AATK: variants seen among roughly 807,000 people sequenced by gnomAD.
AATK encodes lemur tail kinase 1.
In AATK, 91 loss-of-function variants were observed where a neutral mutation model predicts 114.3. The ratio of observed to expected loss-of-function variants is 0.80; its 90% confidence interval spans 0.67 to 0.95. The LOEUF (loss-of-function observed/expected upper bound fraction) is 0.95. AATK is among the 40% of genes least tolerant of loss of function. The pLI is 0.00. For missense variants in AATK, 2,176 were observed against 1,965.2 expected, an observed-to-expected ratio of 1.11 and a Z score of -2.03; for synonymous variants, 1,075 against 916.5, an observed-to-expected ratio of 1.17 and a Z score of -3.12.
rs1208794359 is a variant in AATK, at chr17:81,140,669, TG to T, written c.56-6169del. On this transcript the variant is annotated intron_variant, in intron 1 of 13. Coordinates refer to ENST00000326724, the MANE Select transcript of AATK (RefSeq NM_001080395.3). ...GTGGGGCCGGGGGACCGTGGGGCCG[TG>T]GGGACCATGGGGCCGTGGGGCCGTT... Among the ~76,000 whole-genome samples the T allele has an allele frequency of 2.6e-4, 32 of 121,058 alleles. 1 individual carries two copies. Among genetic ancestry groups the T allele is most frequent in the South Asian group, 5.4e-4 (2 of 3,674 alleles). 79.4% of individuals were successfully genotyped at this position (121,058 alleles called of 152,430 possible).
chr17:81,118,535 A>G lies in AATK; in HGVS notation c.4085-93T>C, dbSNP rs1568214660. The G allele has an allele frequency of 4.4e-6, 6 of 1,369,786 alleles. No individual in the cohort carries two copies. In the South Asian group the frequency reaches 5.0e-5, roughly 11 times the overall value. 84.9% of individuals were successfully genotyped at this position (1,369,786 alleles called of 1,614,324 possible). A position where few individuals can be genotyped will look rare whatever the true frequency, so the allele number is the denominator to read the frequency against. On this transcript the variant is annotated intron_variant, in intron 13 of 13. Coordinates refer to ENST00000326724, the MANE Select transcript of AATK (RefSeq NM_001080395.3). Reference sequence around the variant, plus strand: ...CACCTGGCCTCCATCCCTGGCCCACATACAGGCCGGGCCCCTTCCCTGCAG... The same window carrying G: ...CACCTGGCCTCCATCCCTGGCCCACGTACAGGCCGGGCCCCTTCCCTGCAG...
At chr17:81,125,322 C>A (rs189377227) in intron 7 of AATK, 22 of 719,938 alleles carry the variant, frequency 3.1e-5, no homozygotes, top group Non-Finnish European at 5.5e-5. Flanking sequence ...CCGGAACCCA[C>A]CCGGACCGGT....
Position 81,122,166 on chromosome 17 carries a change from G to A in AATK, c.1770C>T (p.Arg590=), listed in dbSNP as rs757309218. 9.9e-6 allele frequency: 15 copies of A among 1,514,804 alleles called. No individual in the cohort carries two copies. In the African/African-American group the frequency reaches 1.7e-4, roughly 17 times the overall value. The allele number at this position is 1,514,804 out of a possible 1,614,324, so 93.8% of individuals were successfully genotyped here. Reference sequence around the variant, plus strand: ...AGCTTCTGCGAGGGTAGTGGTCGCCGCGGCCCCAGGGGACGTCGACGGGTG... The same window carrying A: ...AGCTTCTGCGAGGGTAGTGGTCGCCACGGCCCCAGGGGACGTCGACGGGTG... The part of the protein sequence containing the change: ...HGPPVDVPWG[R]GDHYPRRSLA... Residue 590 remains arginine (R), a synonymous_variant, in exon 11 of 14, where the codon CGC becomes CGT. Coordinates refer to ENST00000326724, the MANE Select transcript of AATK (RefSeq NM_001080395.3).
chr17:81,119,807 G>A, intron 12 of AATK, 129 bp downstream of exon 12: 1 of 1,330,432 alleles, frequency 7.5e-7, no homozygotes, highest in Non-Finnish European at 9.8e-7. Context: ...ACGGGCCAAA[G>A]CCCGCCTCCC....
chr17:81,127,314 ACAAGCAGGTGAC>A (rs1218388148), intron 6 of AATK, among the ~76,000 whole-genome samples: 1 of 151,950 alleles, frequency 6.6e-6, no homozygotes, highest in Admixed American at 6.6e-5. Flanking sequence ...CACAGGGCAC[ACAAGCAGGTGAC>A]CAAGCAGCTG....
chr17:81,119,229 T>G, intron 13 of AATK, 151 bp downstream of exon 13: 1 of 815,678 alleles, frequency 1.2e-6, no homozygotes, highest in South Asian at 2.1e-5. Flanking sequence ...AGGCTAGGTC[T>G]GGGGCCGGGA....
At position 81,131,179 on chromosome 17, in the gene AATK, C is replaced by A. The variant is rs1244940855; in HGVS notation, c.216G>T (p.Glu72Asp). Reference protein sequence around the residue: ...FKEFENAEGDEYAADLAQGSP... With the variant: ...FKEFENAEGDDYAADLAQGSP... ...AGCCCTGCGCCAGGTCGGCTGCGTA[C>A]TCGTCCCCCTCCGCATTCTCAAACT... Residue 72 changes from glutamate (E) to aspartate (D), a missense_variant, in exon 3 of 14, where the codon GAG becomes GAT. Glu to Asp is a conservative substitution (Grantham distance 45). Around this residue, in one of 4 missense-constraint regions of AATK, gnomAD observed 178 missense variants for 175.4 expected, o/e 1.01. Transcript: ENST00000326724. 20 of 1,580,994 alleles carry A rather than the reference C, an allele frequency of 1.3e-5. No homozygotes were observed. Among genetic ancestry groups the A allele is most frequent in the Non-Finnish European group, 1.6e-5 (19 of 1,165,758 alleles).
In AATK at chr17:81,166,040, G is replaced by A; in HGVS notation, c.-48C>T. 7.1e-7 allele frequency: 1 copy of A among 1,411,702 alleles called. No individual in the cohort carries two copies. The highest frequency in any genetic ancestry group is 9.3e-7 in the Non-Finnish European group (1 of 1,075,038). 87.4% of individuals were successfully genotyped at this position (1,411,702 alleles called of 1,614,324 possible). On this transcript the variant is annotated 5_prime_UTR_variant, in exon 1 of 14. Coordinates refer to ENST00000326724, the MANE Select transcript of AATK (RefSeq NM_001080395.3). ...CATCCCGGGAGGGCGCTGCGCTCAG[G>A]ACGCCCGCGGCCCCGGCCCGAGCCG...
In AATK at chr17:81,121,292, TGGCCTGCA is replaced by T. The variant is rs760048158; in HGVS notation, c.2636_2643del (p.Leu879GlnfsTer33). ...AAGGCTGGCACCACATCCGGCCTCC[TGGCCTGCA>T]GGCCGTCGCTGGACGTGTCGGTGAA... is the stretch of plus-strand genomic sequence containing the variant. On this transcript the variant is annotated frameshift_variant, in exon 11 of 14. Coordinates refer to ENST00000326724, the MANE Select transcript of AATK (RefSeq NM_001080395.3). LOFTEE classifies it high-confidence loss of function. The T allele has an allele frequency of 6.2e-7, 1 of 1,611,582 alleles. No homozygotes were observed. The highest frequency in any genetic ancestry group is 8.5e-7 in the Non-Finnish European group (1 of 1,179,622).
rs2060691503 is a variant in AATK at position 81,120,939 on chromosome 17, TGAG to T, written c.2994_2996del (p.Phe998_Ser999delinsLeu). ...TGGCCTCGGCCTCAGCCTCGAGGTC[TGAG>T]AAGTAGGCAGAGTCTCGGTAGGGAT... On this transcript the variant is annotated inframe_deletion, in exon 11 of 14. Transcript: ENST00000326724. 6.2e-7 allele frequency: 1 copy of T among 1,606,768 alleles called. No individual in the cohort carries two copies. Among genetic ancestry groups the T allele is most frequent in the South Asian group, 1.1e-5 (1 of 89,808 alleles).
intron 3 of AATK, among the ~76,000 whole-genome samples, chr17:81,130,676 C>G (rs1394301170): frequency 2.6e-5 from 4 of 152,136 alleles, no homozygotes; most frequent in Non-Finnish European, 5.9e-5. Context: ...AGCCCCTGCC[C>G]CCAGCACATG....
chr17:81,123,045 G>C, intron 10 of AATK, 149 bp downstream of exon 10: 1 of 975,642 alleles, frequency 1.0e-6, no homozygotes, highest in South Asian at 2.2e-5. Context: ...ACACAGGGGT[G>C]CAGAGGTGGC....
chr17:81,118,060 C>A lies in AATK; in HGVS notation c.*342G>T. On this transcript the variant is annotated 3_prime_UTR_variant, in exon 14 of 14. Transcript: ENST00000326724. ...GGCATGCGGGTCCTCCGAGGCCAGG[C>A]AGGCAGGGCAGAGGGTGGGGGCCGC... The A allele has an allele frequency of 7.6e-6, 2 of 261,938 alleles. No homozygotes were observed. Among genetic ancestry groups the A allele is most frequent in the South Asian group, 1.8e-4 (2 of 11,050 alleles). The allele number at this position is 261,938 out of a possible 1,614,324, so 16.2% of individuals were successfully genotyped here.
chr17:81,119,251 C>CGGGAAGGAGCGGGGCT, intron 13 of AATK, 129 bp downstream of exon 13: 1 of 903,466 alleles, frequency 1.1e-6, no homozygotes, highest in Non-Finnish European at 1.5e-6. Flanking sequence ...GGAGCGGGGC[C>CGGGAAGGAGCGGGGCT]GGGAAGGAGC....
In AATK at chr17:81,122,424, C is replaced by T. The variant is rs1258903110; in HGVS notation, c.1512G>A (p.Glu504=). The T allele has an allele frequency of 6.9e-7, 1 of 1,458,068 alleles. No homozygotes were observed. The highest frequency in any genetic ancestry group is 9.0e-7 in the Non-Finnish European group (1 of 1,107,230). The allele number at this position is 1,458,068 out of a possible 1,614,324, so 90.3% of individuals were successfully genotyped here. ...GGGGCGCGCCGTCGGGGGCGCACAGCTCCTGCAGGCGTGCGGTGCGGCCAG... is the reference window on the plus strand; with the variant it reads ...GGGGCGCGCCGTCGGGGGCGCACAGTTCCTGCAGGCGTGCGGTGCGGCCAG... ...LSPGRTARLQ[E]LCAPDGAPPG... The change falls in exon 11 of 14, where the codon GAG becomes GAA. Residue 504 remains glutamate (E), a synonymous_variant. Transcript: ENST00000326724.
chr17:81,142,359 A>G (rs1189491665), intron 1 of AATK, among the ~76,000 whole-genome samples: 40 of 151,638 alleles, frequency 2.6e-4, no homozygotes, highest in Non-Finnish European at 5.2e-4. Flanking sequence ...GGCAGCCTCA[A>G]ACTCCTGGGC....
At chr17:81,119,716 C>A (rs2060668974) in intron 12 of AATK, 136 bp from the exon 13 acceptor site, 4 of 963,840 alleles carry the variant, frequency 4.2e-6, no homozygotes, top group South Asian at 4.6e-5. Context: ...ATGTCACGGG[C>A]CCAGGCCCCG....
chr17:81,132,666 G>C (rs1384555112), intron 2 of AATK: 3 of 317,768 alleles, frequency 9.4e-6, no homozygotes, highest in Non-Finnish European at 1.9e-5. Flanking sequence ...CTGCTGCCCG[G>C]GGGCCAGCCG....
chr17:81,124,951 G>A lies in AATK; in HGVS notation c.819C>T (p.Gly273=). 1.3e-6 allele frequency: 2 copies of A among 1,577,728 alleles called. No homozygotes were observed. Among genetic ancestry groups the A allele is most frequent in the Non-Finnish European group, 1.7e-6 (2 of 1,162,072 alleles). ...ADLTVKIGDY[G]LAHCKYREDY... is the part of the protein sequence containing the mutation. The stretch of plus-strand genomic sequence containing the variant: ...TCACTCTGTACTTGCAGTGAGCCAG[G>A]CCATAGTCACCAATCTTCACCGTCA... The change falls in exon 8 of 14, where the codon GGC becomes GGT. Residue 273 remains glycine, a synonymous_variant. Transcript: ENST00000326724.
Sources: gnomAD v4.1 joint callset for allele counts (sites outside exome capture counted in the v4.1 genomes callset) on GRCh38, gnomAD v4.1.1 for gene constraint, gnomAD v4.1.1 regional missense constraint, MANE v1.5 for transcripts, NCBI Gene and HGNC (gene_info 2026-07-23, HGNC 2026-07-21) for gene names.